GRIK1: variants seen among roughly 807,000 people sequenced by gnomAD.
The protein encoded by GRIK1 is glutamate ionotropic receptor kainate type subunit 1.
GRIK1 carries 69 observed loss-of-function variants against 105.7 expected under a neutral mutation model. The observed-to-expected ratio is 0.65, with a 90% confidence interval of 0.54 to 0.80. GRIK1 has a LOEUF of 0.80. Ranked by LOEUF, GRIK1 falls within the 30% of genes least tolerant of loss-of-function variation. GRIK1 has a pLI of 0.00. For missense variants in GRIK1, 1,109 were observed against 1,167.3 expected (o/e 0.95, Z 0.73); for synonymous variants, 438 against 431.3 (o/e 1.02, Z -0.19).
intron 1 of GRIK1, among the ~76,000 whole-genome samples, chr21:29,839,295 C>A (rs1378572286): frequency 6.6e-6 from 1 of 152,106 alleles, no homozygotes; most frequent in African/African-American, 2.4e-5. Flanking sequence ...AGTGATCCAC[C>A]CTCCTTGGCT....
intron 1 of GRIK1, among the ~76,000 whole-genome samples, chr21:29,770,072 T>TGATCTTCTGGATGCGGGGA (rs1158784269): frequency 6.6e-6 from 1 of 152,222 alleles, no homozygotes; most frequent in Non-Finnish European, 1.5e-5. Context: ...AGTCCTTCCC[T>TGATCTTCTGGATGCGGGGA]GATCTTCTGG....
intron 1 of GRIK1, among the ~76,000 whole-genome samples, chr21:29,912,880 A>T (rs2070867709): frequency 1.3e-5 from 2 of 152,198 alleles, no homozygotes; most frequent in Middle Eastern, 3.4e-3. Flanking sequence ...CTATACATTT[A>T]CATTCAAAAT....
intron 1 of GRIK1, among the ~76,000 whole-genome samples, chr21:29,933,974 C>A (rs2071660149): frequency 6.9e-6 from 1 of 145,108 alleles, no homozygotes. Flanking sequence ...TTCCTCTAGT[C>A]TAAATAGCTT....
chr21:29,652,438 G>T (rs2062756380), intron 5 of GRIK1, among the ~76,000 whole-genome samples: 1 of 152,126 alleles, frequency 6.6e-6, no homozygotes, highest in Non-Finnish European at 1.5e-5. Context: ...AGGTACCAAA[G>T]GATGCTCTTC....
intron 1 of GRIK1, among the ~76,000 whole-genome samples, chr21:29,733,150 T>G (rs1171403404): frequency 6.6e-6 from 1 of 152,184 alleles, no homozygotes; most frequent in Non-Finnish European, 1.5e-5. Context: ...TTCGAGATTT[T>G]TCTATGCTTT....
In GRIK1 at chr21:29,651,238, G is replaced by A. The variant is rs758892339; in HGVS notation, c.834C>T (p.Thr278=). 8.1e-6 allele frequency: 13 copies of A among 1,613,346 alleles called. No homozygotes were observed. The highest frequency in any genetic ancestry group is 3.3e-5 in the Admixed American group (2 of 60,002). The change falls in exon 6 of 18, where the codon ACC becomes ACT. Residue 278 remains threonine, a synonymous_variant. Coordinates refer to ENST00000327783, the MANE Select transcript of GRIK1 (RefSeq NM_001330994.2). ...TGTCAATGTTAAGCAGCCGAAACCC[G>A]GTCATGTTTACGCCACTGTACCTAT... ...ELYRYSGVNM[T]GFRLLNIDNP... is the part of the protein sequence containing the mutation.
At chr21:29,907,618 A>C (rs1485144442) in intron 1 of GRIK1, among the ~76,000 whole-genome samples, 1 of 152,154 alleles carries the variant, frequency 6.6e-6, no homozygotes, top group African/African-American at 2.4e-5. Context: ...TAGTTTTTAA[A>C]ATTTATTAGT....
At chr21:29,539,109 G>A (rs1344806529) in intron 16 of GRIK1, among the ~76,000 whole-genome samples, 2 of 152,126 alleles carry the variant, frequency 1.3e-5, no homozygotes, top group East Asian at 3.8e-4. Flanking sequence ...CAAACAGTAA[G>A]TTGTGGCTTC....
intron 1 of GRIK1, among the ~76,000 whole-genome samples, chr21:29,897,620 T>C (rs193007448): frequency 2.6e-5 from 4 of 152,328 alleles, no homozygotes; most frequent in Admixed American, 2.0e-4. Context: ...CAGAAGTAAT[T>C]TGAGTCCAGG....
At chr21:29,809,032 A>T (rs1156392790) in intron 1 of GRIK1, among the ~76,000 whole-genome samples, 4 of 152,092 alleles carry the variant, frequency 2.6e-5, no homozygotes, top group African/African-American at 9.7e-5. Context: ...ACTTTTCTTA[A>T]TTATCCTAGT....
intron 7 of GRIK1, among the ~76,000 whole-genome samples, chr21:29,634,554 C>T (rs923113523): frequency 6.6e-6 from 1 of 152,144 alleles, no homozygotes; most frequent in Admixed American, 6.5e-5. Context: ...AAATGCCTGC[C>T]GTGTACAGGC....
chr21:29,895,817 T>C (rs943246456), intron 1 of GRIK1, among the ~76,000 whole-genome samples: 7 of 152,228 alleles, frequency 4.6e-5, no homozygotes, highest in African/African-American at 1.7e-4. Flanking sequence ...GCAGTTTACC[T>C]TCTCTTAGCC....
intron 7 of GRIK1, among the ~76,000 whole-genome samples, chr21:29,622,611 C>T (rs1173627056): frequency 6.6e-6 from 1 of 152,170 alleles, no homozygotes; most frequent in Non-Finnish European, 1.5e-5. Context: ...TGAATGAGTA[C>T]TACTGGGGTA....
chr21:29,634,744 G>T (rs527755651), intron 7 of GRIK1, among the ~76,000 whole-genome samples: 2 of 152,288 alleles, frequency 1.3e-5, no homozygotes, highest in South Asian at 2.1e-4. Flanking sequence ...AATTCTAAGA[G>T]TTGGTCTAAG....
chr21:29,605,948 T>C (rs958123436), intron 7 of GRIK1, among the ~76,000 whole-genome samples: 1 of 150,928 alleles, frequency 6.6e-6, no homozygotes, highest in African/African-American at 2.4e-5. Context: ...TAGATCAAGG[T>C]GAAGAAAAAA....
chr21:29,823,520 C>T (rs1601787009), intron 1 of GRIK1, among the ~76,000 whole-genome samples: 2 of 151,858 alleles, frequency 1.3e-5, no homozygotes, highest in South Asian at 2.1e-4. Context: ...GCTCATGTTT[C>T]TTGAAACTGG....
chr21:29,932,155 T>C (rs769974912), intron 1 of GRIK1, among the ~76,000 whole-genome samples: 1 of 152,208 alleles, frequency 6.6e-6, no homozygotes, highest in Non-Finnish European at 1.5e-5. Flanking sequence ...ACTAGTAAAC[T>C]GGCAACTAAT....
At chr21:29,894,282 C>T (rs1689659265) in intron 1 of GRIK1, among the ~76,000 whole-genome samples, 1 of 152,032 alleles carries the variant, frequency 6.6e-6, no homozygotes, top group African/African-American at 2.4e-5. Context: ...AGCCCAAGTC[C>T]CAAAACCTCA....
chr21:29,678,459 C>T (rs945470055), intron 3 of GRIK1, among the ~76,000 whole-genome samples: 6 of 152,092 alleles, frequency 3.9e-5, no homozygotes, highest in Non-Finnish European at 7.4e-5. Context: ...AAGTGTATTG[C>T]ACTCAGCTCC....
Sources: allele counts gnomAD v4.1 joint callset (sites outside exome capture counted in the v4.1 genomes callset), GRCh38; gene constraint gnomAD v4.1.1; transcripts MANE v1.5; gene names NCBI Gene and HGNC (gene_info 2026-07-23, HGNC 2026-07-21).